The following GRIA4 variants were observed in gnomAD, a reference collection of about 807,000 sequenced individuals.
The protein encoded by GRIA4 is glutamate ionotropic receptor AMPA type subunit 4.
GRIA4 carries 34 observed loss-of-function variants against 104.0 expected under a neutral mutation model. That is an observed-to-expected ratio of 0.33 (90% CI 0.25 to 0.44). The LOEUF (loss-of-function observed/expected upper bound fraction) is 0.44. Ranked by LOEUF, GRIA4 falls within the 20% of genes least tolerant of loss-of-function variation. The pLI, the probability that GRIA4 is intolerant of heterozygous loss-of-function variation, is 1.00. For missense variants in GRIA4, 750 were observed against 1,096.5 expected, an observed-to-expected ratio of 0.68 and a Z score of 4.46; for synonymous variants, 386 against 381.9, an observed-to-expected ratio of 1.01 and a Z score of -0.13.
intron 3 of GRIA4, 26 bp from the exon 4 acceptor site, chr11:105,752,955 G>T (rs1483758123): frequency 1.2e-6 from 2 of 1,605,450 alleles, no homozygotes; most frequent in Admixed American, 3.3e-5. Flanking sequence ...CTAATAGTTT[G>T]TGGTGTTTTC....
intron 3 of GRIA4, among the ~76,000 whole-genome samples, chr11:105,711,923 A>G (rs1202036251): frequency 2.0e-5 from 3 of 152,144 alleles, no homozygotes; most frequent in African/African-American, 7.2e-5. Flanking sequence ...GAATACCACA[A>G]CACTTACTTT....
chr11:105,922,683 T>C (rs1322382450), intron 11 of GRIA4, among the ~76,000 whole-genome samples: 1 of 152,146 alleles, frequency 6.6e-6, no homozygotes, highest in Admixed American at 6.6e-5. Flanking sequence ...AAAAGAATTG[T>C]AAGATATAAT....
intron 5 of GRIA4, among the ~76,000 whole-genome samples, chr11:105,872,659 T>C (rs1945660023): frequency 6.6e-6 from 1 of 152,102 alleles, no homozygotes; most frequent in South Asian, 2.1e-4. Flanking sequence ...TCAAGTTTTC[T>C]TTATAATTCA....
chr11:105,965,951 G>A, intron 14 of GRIA4: 1 of 1,592,382 alleles, frequency 6.3e-7, no homozygotes, highest in Non-Finnish European at 8.6e-7. Context: ...TTCAAGAAAT[G>A]CTGTTAACCT....
intron 3 of GRIA4, among the ~76,000 whole-genome samples, chr11:105,646,328 T>TC (rs1210950538): frequency 6.6e-5 from 10 of 152,272 alleles, no homozygotes; most frequent in African/African-American, 2.4e-4. Context: ...ACGTGGTGGC[T>TC]CCACCTGTAT....
intron 3 of GRIA4, among the ~76,000 whole-genome samples, chr11:105,679,930 C>T (rs1030930599): frequency 1.3e-5 from 2 of 152,006 alleles, no homozygotes; most frequent in Non-Finnish European, 2.9e-5. Flanking sequence ...TGTAGTCTCC[C>T]CCTGACTTTA....
At chr11:105,904,032 C>A in intron 8 of GRIA4, 51 bp downstream of exon 8, 2 of 1,278,132 alleles carry the variant, frequency 1.6e-6, no homozygotes, top group Non-Finnish European at 2.2e-6. Flanking sequence ...CTTGTTTTAA[C>A]TGAATGTTCA....
At chr11:105,730,280 T>C (rs188843982) in intron 3 of GRIA4, among the ~76,000 whole-genome samples, 1 of 152,202 alleles carries the variant, frequency 6.6e-6, no homozygotes, top group African/African-American at 2.4e-5. Flanking sequence ...CCATTCACAA[T>C]TGCTACAAAG....
At chr11:105,745,110 T>A (rs1172987527) in intron 3 of GRIA4, among the ~76,000 whole-genome samples, 1 of 152,292 alleles carries the variant, frequency 6.6e-6, no homozygotes, top group African/African-American at 2.4e-5. Flanking sequence ...GATAAATTTC[T>A]GTAATCTCTC....
intron 3 of GRIA4, among the ~76,000 whole-genome samples, chr11:105,698,010 A>G (rs1953346798): frequency 6.6e-6 from 1 of 152,102 alleles, no homozygotes; most frequent in African/African-American, 2.4e-5. Flanking sequence ...GGAGATGGCA[A>G]TGATTTGAAA....
chr11:105,905,764 G>C (rs977208312), intron 9 of GRIA4, among the ~76,000 whole-genome samples: 1 of 152,196 alleles, frequency 6.6e-6, no homozygotes, highest in Non-Finnish European at 1.5e-5. Flanking sequence ...ATGACCAAAA[G>C]AGAAAGAAGA....
chr11:105,950,124 A>G (rs567465646), intron 14 of GRIA4, among the ~76,000 whole-genome samples: 1 of 152,326 alleles, frequency 6.6e-6, no homozygotes, highest in East Asian at 1.9e-4. Context: ...CTTGGAGGCA[A>G]TCATGAATTT....
At chr11:105,840,359 A>G (rs771523966) in intron 4 of GRIA4, among the ~76,000 whole-genome samples, 2 of 152,188 alleles carry the variant, frequency 1.3e-5, no homozygotes, top group Non-Finnish European at 2.9e-5. Context: ...AAAGCAGGTA[A>G]TATTGTCACC....
intron 3 of GRIA4, among the ~76,000 whole-genome samples, chr11:105,730,073 A>G (rs951595566): frequency 6.6e-6 from 1 of 152,226 alleles, no homozygotes. Flanking sequence ...TCAAATAGGA[A>G]GAGAGGAAGT....
At chr11:105,813,410 TG>T (rs1268451876) in intron 4 of GRIA4, among the ~76,000 whole-genome samples, 1 of 152,112 alleles carries the variant, frequency 6.6e-6, no homozygotes, top group Non-Finnish European at 1.5e-5. Flanking sequence ...TGATGTAAAG[TG>T]AAGAAAATTT....
At chr11:105,764,416 A>G (rs1319174515) in intron 4 of GRIA4, among the ~76,000 whole-genome samples, 2 of 152,134 alleles carry the variant, frequency 1.3e-5, no homozygotes, top group Non-Finnish European at 2.9e-5. Flanking sequence ...TTGACCTGAA[A>G]TGTTTGTTAT....
chr11:105,779,115 T>A (rs1192521988), intron 4 of GRIA4, among the ~76,000 whole-genome samples: 1 of 151,656 alleles, frequency 6.6e-6, no homozygotes, highest in East Asian at 2.0e-4. Context: ...GGACATGAAC[T>A]CATCAGTTTT....
chr11:105,865,587 A>C (rs1945376372), intron 5 of GRIA4, among the ~76,000 whole-genome samples: 1 of 152,164 alleles, frequency 6.6e-6, no homozygotes, highest in South Asian at 2.1e-4. Context: ...CAATAGCTTC[A>C]TGTAGCTGGA....
At chr11:105,708,924 G>A (rs975165135) in intron 3 of GRIA4, among the ~76,000 whole-genome samples, 7 of 152,032 alleles carry the variant, frequency 4.6e-5, no homozygotes, top group Admixed American at 6.6e-5. Flanking sequence ...AAATGTAGAT[G>A]TGTAGATGTG....
Sources: gnomAD v4.1 joint callset for allele counts (sites outside exome capture counted in the v4.1 genomes callset) on GRCh38, gnomAD v4.1.1 for gene constraint, MANE v1.5 for transcripts, NCBI Gene and HGNC (gene_info 2026-07-23, HGNC 2026-07-21) for gene names.